TRHDE: variants seen among roughly 807,000 people sequenced by gnomAD.
TRHDE encodes the protein thyrotropin releasing hormone degrading enzyme.
A neutral mutation model predicts 125.7 loss-of-function variants in TRHDE; 72 were observed. The observed-to-expected ratio is 0.57, with a 90% CI of 0.47 to 0.70. TRHDE has a LOEUF of 0.70. TRHDE is among the 30% of genes least tolerant of loss of function. The pLI, the probability that TRHDE is intolerant of heterozygous loss-of-function variation, is 0.00. For missense variants in TRHDE, 1,110 were observed against 1,327.1 expected (o/e 0.84, Z 2.54); for synonymous variants, 509 against 509.1 (o/e 1.00, Z 0.00).
chr12:72,572,348 A>G lies in TRHDE; in HGVS notation c.2132-2907A>G, dbSNP rs529239005. Among the ~76,000 whole-genome samples, 26 of 152,276 alleles carry G rather than the reference A, an allele frequency of 1.7e-4. No homozygotes were observed. In the South Asian group the frequency reaches 4.8e-3, roughly 28 times the overall value. On this transcript the variant is annotated intron_variant, in intron 10 of 18. Coordinates refer to ENST00000261180, the MANE Select transcript of TRHDE (RefSeq NM_013381.3). ...CAACTACTCCGTACCTCAATAGTCT[A>G]AGCCTTGTGCCATTTTGGATACATT...
At chr12:72,349,216 A>G (rs775264947) in intron 2 of TRHDE, among the ~76,000 whole-genome samples, 2 of 152,094 alleles carry the variant, frequency 1.3e-5, no homozygotes, top group Non-Finnish European at 2.9e-5. Flanking sequence ...AGAAATATTA[A>G]CCATATATAT....
intron 18 of TRHDE, among the ~76,000 whole-genome samples, chr12:72,657,800 T>G (rs1874764936): frequency 6.6e-6 from 1 of 152,166 alleles, no homozygotes; most frequent in Non-Finnish European, 1.5e-5. Context: ...AAATATAGAC[T>G]CTTTTAATTG....
chr12:72,170,594 T>C (rs1013938616), intron 2 of TRHDE, among the ~76,000 whole-genome samples: 2 of 152,130 alleles, frequency 1.3e-5, no homozygotes, highest in Non-Finnish European at 2.9e-5. Flanking sequence ...CAAGGATTGC[T>C]TGGCTCTACC....
At chr12:72,606,541 C>A (rs1175293762) in intron 12 of TRHDE, among the ~76,000 whole-genome samples, 6 of 152,100 alleles carry the variant, frequency 3.9e-5, no homozygotes, top group African/African-American at 1.4e-4. Context: ...ATACTGTTTC[C>A]CCCATTTTAT....
intron 2 of TRHDE, among the ~76,000 whole-genome samples, chr12:72,193,159 A>G (rs1334848343): frequency 6.6e-6 from 1 of 152,120 alleles, no homozygotes; most frequent in Non-Finnish European, 1.5e-5. Flanking sequence ...ATATAAAGAA[A>G]AAAAAGTTTG....
chr12:72,486,077 G>A (rs966215026), intron 5 of TRHDE, among the ~76,000 whole-genome samples: 3 of 152,120 alleles, frequency 2.0e-5, no homozygotes, highest in African/African-American at 7.2e-5. Context: ...TCCTGCTCCA[G>A]GAGGCCTTAG....
chr12:72,663,004 T>A (rs773800958), intron 18 of TRHDE, 48 bp from the exon 19 acceptor site: 11 of 1,562,440 alleles, frequency 7.0e-6, no homozygotes, highest in Admixed American at 5.9e-5. Flanking sequence ...TGGACATGAG[T>A]TCTTTTTAAG....
intron 2 of TRHDE, among the ~76,000 whole-genome samples, chr12:72,121,720 CTTTTTT>C (rs57483232): frequency 8.9e-6 from 1 of 111,952 alleles, no homozygotes; most frequent in African/African-American, 3.4e-5. Flanking sequence ...ACGAAGGTGC[CTTTTTT>C]TTTTTTTTTT....
intron 2 of TRHDE, among the ~76,000 whole-genome samples, chr12:72,117,099 CCCATTTTT>C (rs1393418272): frequency 6.6e-6 from 1 of 151,996 alleles, no homozygotes; most frequent in Non-Finnish European, 1.5e-5. Context: ...TGAACGTAAT[CCCATTTTT>C]CCATTTTTTC....
intron 2 of TRHDE, among the ~76,000 whole-genome samples, chr12:72,336,419 A>T (rs1869833127): frequency 1.3e-5 from 2 of 152,160 alleles, no homozygotes; most frequent in African/African-American, 4.8e-5. Context: ...TGTCCTCTCC[A>T]TGAAATTTGC....
At chr12:72,451,861 C>A (rs886599384) in intron 3 of TRHDE, among the ~76,000 whole-genome samples, 2 of 151,858 alleles carry the variant, frequency 1.3e-5, no homozygotes, top group Non-Finnish European at 2.9e-5. Context: ...TGGCATCTTG[C>A]TCTGTTGGCC....
At chr12:72,320,543 C>CTGTGTGTG (rs59244019) in intron 2 of TRHDE, among the ~76,000 whole-genome samples, 12,231 of 143,036 alleles carry the variant, frequency 0.086, 699 homozygotes, top group Non-Finnish European at 0.13. Context: ...AGAGGGTTGA[C>CTGTGTGTG]TGTGTGTGTG....
At chr12:72,240,938 A>T (rs1051894404) in intron 2 of TRHDE, among the ~76,000 whole-genome samples, 1 of 152,078 alleles carries the variant, frequency 6.6e-6, no homozygotes, top group African/African-American at 2.4e-5. Context: ...TCTCGATTCA[A>T]TCTAGAAATT....
intron 6 of TRHDE, among the ~76,000 whole-genome samples, chr12:72,534,194 G>T (rs561020848): frequency 1.3e-5 from 2 of 152,296 alleles, no homozygotes; most frequent in South Asian, 2.1e-4. Context: ...AGTTAAAGGA[G>T]ATTAATGTAG....
chr12:72,236,828 C>A (rs1249060096), intron 2 of TRHDE, among the ~76,000 whole-genome samples: 1 of 152,098 alleles, frequency 6.6e-6, no homozygotes, highest in East Asian at 1.9e-4. Context: ...ATGGAAATAA[C>A]AATGACAACT....
At position 72,664,994 on chromosome 12, in the gene TRHDE, T is replaced by C. The variant is rs1340539065; in HGVS notation, c.*1799T>C. ...ATGTGAATAGGCATGATAATACTTT[T>C]AGTATAAAATCTAAACTTTTTCCAT... On this transcript the variant is annotated 3_prime_UTR_variant, in exon 19 of 19. Transcript: ENST00000261180. 6.6e-6 allele frequency: 1 copy of C among 152,076 alleles called. No homozygotes were observed. The highest frequency in any genetic ancestry group is 2.4e-5 in the African/African-American group (1 of 41,440). The allele number at this position is 152,076 out of a possible 1,614,324, so 9.4% of individuals were successfully genotyped here.
At chr12:72,621,829 CA>C in intron 15 of TRHDE, 78 bp downstream of exon 15, 1 of 1,090,174 alleles carries the variant, frequency 9.2e-7, no homozygotes, top group Non-Finnish European at 1.3e-6. Context: ...TTTCATTTAC[CA>C]ACTGGAGAAA....
intron 2 of TRHDE, among the ~76,000 whole-genome samples, chr12:72,307,260 C>CG (rs1169203275): frequency 6.6e-6 from 1 of 151,954 alleles, no homozygotes; most frequent in African/African-American, 2.4e-5. Flanking sequence ...CTCTGCCTCC[C>CG]GGCAAGTGAT....
At chr12:72,224,481 G>A (rs1048866633) in intron 2 of TRHDE, among the ~76,000 whole-genome samples, 2 of 152,116 alleles carry the variant, frequency 1.3e-5, no homozygotes, top group Non-Finnish European at 2.9e-5. Context: ...CTGGACTTTC[G>A]TGACTGAAAA....
Sources: gnomAD v4.1 joint callset for allele counts (sites outside exome capture counted in the v4.1 genomes callset) on GRCh38, gnomAD v4.1.1 for gene constraint, MANE v1.5 for transcripts, NCBI Gene and HGNC (gene_info 2026-07-23, HGNC 2026-07-21) for gene names.